The following LYPD6 variants were observed in gnomAD, a reference collection of about 807,000 sequenced individuals.
LYPD6 encodes ly6/PLAUR domain-containing protein 6.
Under a neutral mutation model 22.7 loss-of-function variants are expected in LYPD6, and 15 were observed. The ratio of observed to expected loss-of-function variants is 0.66; its 90% CI spans 0.44 to 1.02. The LOEUF (loss-of-function observed/expected upper bound fraction) is 1.02. Among genes scored for constraint, LYPD6 ranks in the 50% least tolerant of loss-of-function variants. The pLI, the probability that LYPD6 is intolerant of heterozygous loss-of-function variation, is 0.00. For synonymous variants in LYPD6, 72 were observed against 77.5 expected, an observed-to-expected ratio of 0.93 and a Z score of 0.37; for missense variants, 189 against 208.4, an observed-to-expected ratio of 0.91 and a Z score of 0.57.
intron 2 of LYPD6, among the ~76,000 whole-genome samples, 192 bp from the exon 3 acceptor site, chr2:149,448,857 T>C (rs921739648): frequency 6.6e-6 from 1 of 152,218 alleles, no homozygotes; most frequent in African/African-American, 2.4e-5. Context: ...GATTTTTGCA[T>C]GTATACAAAT....
intron 1 of LYPD6, among the ~76,000 whole-genome samples, chr2:149,393,136 C>A (rs747789131): frequency 1.3e-5 from 2 of 152,194 alleles, no homozygotes; most frequent in African/African-American, 4.8e-5. Flanking sequence ...CAAGTCTTCC[C>A]TTGCTTCCGA....
chr2:149,373,002 T>A (rs1185194037), intron 1 of LYPD6, among the ~76,000 whole-genome samples: 2 of 152,318 alleles, frequency 1.3e-5, no homozygotes, highest in East Asian at 1.9e-4. Context: ...ATCAGATTTG[T>A]GCTTTGAGTA....
chr2:149,371,708 A>C (rs1266972462), intron 1 of LYPD6, among the ~76,000 whole-genome samples: 1 of 152,218 alleles, frequency 6.6e-6, no homozygotes, highest in Non-Finnish European at 1.5e-5. Flanking sequence ...GTCAGGAGGC[A>C]CAGGTCTGCT....
chr2:149,427,693 C>T (rs922593672), intron 1 of LYPD6, among the ~76,000 whole-genome samples: 14 of 152,328 alleles, frequency 9.2e-5, no homozygotes, highest in East Asian at 3.9e-4. Context: ...TAATCCCATA[C>T]GATTATAATG....
intron 3 of LYPD6, among the ~76,000 whole-genome samples, chr2:149,451,359 T>C (rs1183327234): frequency 6.6e-6 from 1 of 152,200 alleles, no homozygotes; most frequent in East Asian, 1.9e-4. Flanking sequence ...CACCTCTTAA[T>C]ATCCTCACAT....
intron 1 of LYPD6, among the ~76,000 whole-genome samples, chr2:149,429,412 A>G (rs925348158): frequency 2.0e-5 from 3 of 152,246 alleles, no homozygotes; most frequent in Non-Finnish European, 4.4e-5. Context: ...AGCCATGTCT[A>G]AACTGGATGG....
chr2:149,414,049 A>G (rs888540330), intron 1 of LYPD6, among the ~76,000 whole-genome samples: 3 of 152,236 alleles, frequency 2.0e-5, no homozygotes, highest in African/African-American at 7.2e-5. Flanking sequence ...TTTTCCCTAG[A>G]ACTAGTTGGT....
At chr2:149,337,091 A>G (rs1412616661) in intron 1 of LYPD6, among the ~76,000 whole-genome samples, 5 of 152,206 alleles carry the variant, frequency 3.3e-5, no homozygotes, top group Admixed American at 1.3e-4. Flanking sequence ...ACAAAGTTAT[A>G]GAAGCATTGC....
At chr2:149,355,075 T>C (rs1681427090) in intron 1 of LYPD6, among the ~76,000 whole-genome samples, 1 of 152,220 alleles carries the variant, frequency 6.6e-6, no homozygotes, top group South Asian at 2.1e-4. Flanking sequence ...ATTTTTCCTA[T>C]GGGATAAAAC....
intron 1 of LYPD6, among the ~76,000 whole-genome samples, chr2:149,364,544 A>ATTT (rs558543639): frequency 2.4e-4 from 32 of 135,328 alleles, no homozygotes; most frequent in African/African-American, 8.1e-4. Flanking sequence ...ACAGAGTACA[A>ATTT]TTTTTTTTTT....
chr2:149,443,987 G>T (rs1357479134), intron 2 of LYPD6, among the ~76,000 whole-genome samples: 1 of 143,626 alleles, frequency 7.0e-6, no homozygotes, highest in Non-Finnish European at 1.5e-5. Context: ...AGGCTGGAGT[G>T]CAGTGGTGCA....
chr2:149,351,672 A>G (rs901130109), intron 1 of LYPD6, among the ~76,000 whole-genome samples: 3 of 152,178 alleles, frequency 2.0e-5, no homozygotes, highest in Non-Finnish European at 4.4e-5. Context: ...ATGTGTATGT[A>G]TTGTTCCAGG....
At chr2:149,478,809 C>T (rs1029919637), downstream of LYPD6, among the ~76,000 whole-genome samples, 1 of 152,092 alleles carries the variant, frequency 6.6e-6, no homozygotes, top group Non-Finnish European at 1.5e-5. Flanking sequence ...CCACCTGCTA[C>T]CTGGGGCACT....
At chr2:149,330,528 C>A (rs572600209), upstream of LYPD6, 16 of 149,760 alleles carry the variant, frequency 1.1e-4, no homozygotes, top group South Asian at 3.1e-3. Context: ...CAGTGCCCGG[C>A]GCGAGTGGGA....
intron 1 of LYPD6, among the ~76,000 whole-genome samples, chr2:149,338,061 T>C (rs894604052): frequency 7.0e-6 from 1 of 142,474 alleles, no homozygotes; most frequent in Admixed American, 6.8e-5. Flanking sequence ...TCCATGTATT[T>C]GCATTTAGGT....
In LYPD6 at chr2:149,403,902, T is replaced by C. The variant is rs1372496807; in HGVS notation, c.-71-33736T>C. Among the ~76,000 whole-genome samples, 3 of 152,350 alleles carry C rather than the reference T, an allele frequency of 2.0e-5. No individual in the cohort carries two copies. The East Asian group carries it at 5.8e-4, about 29-fold the overall frequency. ...AAGTCTCTAATCCATCTTGAATTAATTTTTGTATAAAGTGTAAGGAAGGGA... is the reference window on the plus strand; with the variant it reads ...AAGTCTCTAATCCATCTTGAATTAACTTTTGTATAAAGTGTAAGGAAGGGA... On this transcript the variant is annotated intron_variant, in intron 1 of 4. Coordinates refer to ENST00000334166, the MANE Select transcript of LYPD6 (RefSeq NM_194317.5).
intron 1 of LYPD6, among the ~76,000 whole-genome samples, chr2:149,413,899 C>T (rs1030917767): frequency 3.3e-5 from 5 of 152,124 alleles, no homozygotes; most frequent in African/African-American, 7.2e-5. Flanking sequence ...CACCATACAG[C>T]GTGATCAATA....
chr2:149,450,834 T>G (rs1249683902), intron 3 of LYPD6, among the ~76,000 whole-genome samples: 2 of 152,204 alleles, frequency 1.3e-5, no homozygotes, highest in East Asian at 1.9e-4. Flanking sequence ...GGCATAAGGA[T>G]TTTTAAAAGC....
At chr2:149,398,954 C>G (rs1291885507) in intron 1 of LYPD6, among the ~76,000 whole-genome samples, 1 of 152,012 alleles carries the variant, frequency 6.6e-6, no homozygotes, top group Non-Finnish European at 1.5e-5. Context: ...AAGAGATTAC[C>G]TCCAGAGAGG....
Sources: allele counts gnomAD v4.1 joint callset (sites outside exome capture counted in the v4.1 genomes callset), GRCh38; gene constraint gnomAD v4.1.1; transcripts MANE v1.5; gene names NCBI Gene and HGNC (gene_info 2026-07-23, HGNC 2026-07-21).